FYB1: variants seen among roughly 807,000 people sequenced by gnomAD.
FYB1 encodes FYN-binding protein 1.
Under a neutral mutation model 94.1 loss-of-function variants are expected in FYB1, and 41 were observed. The observed-to-expected ratio is 0.44, with a 90% CI of 0.34 to 0.57. The LOEUF (loss-of-function observed/expected upper bound fraction) is 0.57. FYB1 is among the 20% of genes least tolerant of loss of function. The pLI is 0.02. For missense variants in FYB1, 1,050 were observed against 976.8 expected (o/e 1.07, Z -1.00); for synonymous variants, 367 against 353.2 (o/e 1.04, Z -0.44).
chr5:39,232,542 TA>T lies in FYB1; in HGVS notation c.-27-29556del, dbSNP rs199521420. Among the ~76,000 whole-genome samples, 1,351 of 151,718 alleles carry T rather than the reference TA, an allele frequency of 8.9e-3. 13 individuals are homozygous for T. The highest frequency in any genetic ancestry group is 0.029 in the African/African-American group (1,218 of 41,342). ...CATTTATTTTATTTATTTATTTATT[TA>T]TTTATTTTTTATTTATTTTTTTTGC... On this transcript the variant is annotated intron_variant, in intron 1 of 1. Coordinates refer to the FYB1 transcript ENST00000510188.
chr5:39,122,615 C>T (rs1405750122), intron 13 of FYB1, among the ~76,000 whole-genome samples: 2 of 151,906 alleles, frequency 1.3e-5, no homozygotes, highest in African/African-American at 2.4e-5. Flanking sequence ...TTCAAAAAAC[C>T]AGTGACCATA....
chr5:39,171,286 CAA>C (rs879557601), intron 2 of FYB1, among the ~76,000 whole-genome samples: 6 of 140,464 alleles, frequency 4.3e-5, no homozygotes, highest in Non-Finnish European at 7.8e-5. Context: ...ACTCTGTCTC[CAA>C]AAAAAAAAAA....
chr5:39,270,575 T>A, intron 1 of FYB1: 2 of 1,535,236 alleles, frequency 1.3e-6, no homozygotes, highest in Non-Finnish European at 1.7e-6. Flanking sequence ...TTACCATTTT[T>A]ATTGAAAAGA....
intron 1 of FYB1, among the ~76,000 whole-genome samples, chr5:39,234,667 A>G (rs1750881373): frequency 6.6e-6 from 1 of 152,194 alleles, no homozygotes; most frequent in Non-Finnish European, 1.5e-5. Flanking sequence ...GATAGAATGG[A>G]TAAGGAAAAT....
chr5:39,116,734 A>T (rs925976120), intron 16 of FYB1, among the ~76,000 whole-genome samples: 3 of 152,150 alleles, frequency 2.0e-5, no homozygotes, highest in African/African-American at 7.2e-5. Flanking sequence ...TACTCAGGAT[A>T]TGTGAAGATC....
Position 39,257,434 on chromosome 5 carries a change from A to G in FYB1, c.-28+16969T>C, listed in dbSNP as rs562189133. Among the ~76,000 whole-genome samples, 21 of 146,910 alleles carry G rather than the reference A, an allele frequency of 1.4e-4. No homozygotes were observed. In the East Asian group the frequency reaches 3.9e-3, roughly 28 times the overall value. On this transcript the variant is annotated intron_variant, in intron 1 of 1. Coordinates refer to the FYB1 transcript ENST00000510188. The stretch of plus-strand genomic sequence containing the variant: ...TTGCAGAATTTTTTTTTTTTTTTGC[A>G]TGTAGAACTTACAAAATCTTTTAGA...
At chr5:39,228,299 A>G (rs1007186462) in intron 1 of FYB1, among the ~76,000 whole-genome samples, 5 of 152,218 alleles carry the variant, frequency 3.3e-5, no homozygotes, top group African/African-American at 7.2e-5. Flanking sequence ...TCAACTTTAT[A>G]TATAATGTTT....
intron 1 of FYB1, among the ~76,000 whole-genome samples, chr5:39,255,201 C>T (rs753183454): frequency 3.3e-5 from 5 of 152,122 alleles, no homozygotes; most frequent in Non-Finnish European, 5.9e-5. Context: ...GAGGTATAAA[C>T]ACATGGGTTA....
At chr5:39,175,342 T>G (rs953348365) in intron 2 of FYB1, among the ~76,000 whole-genome samples, 5 of 152,150 alleles carry the variant, frequency 3.3e-5, no homozygotes, top group Admixed American at 2.6e-4. Flanking sequence ...AGACTCCGGT[T>G]GATTGATGAC....
chr5:39,197,393 T>C (rs1052041763), intron 2 of FYB1, among the ~76,000 whole-genome samples: 3 of 152,178 alleles, frequency 2.0e-5, no homozygotes, highest in Non-Finnish European at 4.4e-5. Flanking sequence ...TATATGAAAA[T>C]TCATGCCTAG....
At chr5:39,148,050 T>C (rs16900069) in intron 3 of FYB1, among the ~76,000 whole-genome samples, 4,521 of 148,410 alleles carry the variant, frequency 0.03, 240 homozygotes, top group African/African-American at 0.11. Context: ...CTAGGGAGAA[T>C]TGTAAACCTT....
At chr5:39,229,813 C>A (rs998524381) in intron 1 of FYB1, among the ~76,000 whole-genome samples, 1 of 152,122 alleles carries the variant, frequency 6.6e-6, no homozygotes, top group African/African-American at 2.4e-5. Context: ...AGTCCAGATC[C>A]ACTTCGTTAA....
intron 16 of FYB1, among the ~76,000 whole-genome samples, chr5:39,116,324 G>A (rs1343666327): frequency 6.6e-6 from 1 of 152,094 alleles, no homozygotes; most frequent in Non-Finnish European, 1.5e-5. Flanking sequence ...TGTCTGAGAT[G>A]TACCCCAAAG....
intron 2 of FYB1, among the ~76,000 whole-genome samples, chr5:39,168,923 A>G (rs1744995058): frequency 6.6e-6 from 1 of 152,194 alleles, no homozygotes; most frequent in Non-Finnish European, 1.5e-5. Context: ...GTCTGTACAG[A>G]GGTGAACACC....
intron 1 of FYB1, among the ~76,000 whole-genome samples, chr5:39,242,122 A>G (rs772395241): frequency 4.6e-5 from 7 of 151,962 alleles, no homozygotes; most frequent in Non-Finnish European, 7.4e-5. Flanking sequence ...AACATTTTTC[A>G]ATCTATTTTA....
At chr5:39,268,122 GCATTTAAAATGATGA>G (rs1226304391) in intron 1 of FYB1, among the ~76,000 whole-genome samples, 1 of 152,068 alleles carries the variant, frequency 6.6e-6, no homozygotes, top group African/African-American at 2.4e-5. Flanking sequence ...TATAAAATAT[GCATTTAAAATGATGA>G]CATTCTCGAA....
chr5:39,255,317 A>C (rs548359716), intron 1 of FYB1, among the ~76,000 whole-genome samples: 1 of 152,288 alleles, frequency 6.6e-6, no homozygotes, highest in East Asian at 1.9e-4. Flanking sequence ...AAGCATTTGC[A>C]AAAGTTGAAA....
intron 2 of FYB1, among the ~76,000 whole-genome samples, chr5:39,175,979 G>A (rs1745683945): frequency 2.0e-5 from 3 of 151,906 alleles, no homozygotes; most frequent in Non-Finnish European, 2.9e-5. Flanking sequence ...TTATAGCTGA[G>A]ATCCAGAAGG....
chr5:39,162,883 G>A (rs557609198), intron 2 of FYB1, among the ~76,000 whole-genome samples: 1 of 152,156 alleles, frequency 6.6e-6, no homozygotes, highest in African/African-American at 2.4e-5. Context: ...TCTTTCATAT[G>A]TTTATAAGAC....
Sources: allele counts gnomAD v4.1 joint callset (sites outside exome capture counted in the v4.1 genomes callset), GRCh38; gene constraint gnomAD v4.1.1; transcripts MANE v1.5; gene names NCBI Gene and HGNC (gene_info 2026-07-23, HGNC 2026-07-21).